GALNT2: variants seen among roughly 807,000 people sequenced by gnomAD.
GALNT2 encodes the protein UDP-GalNAc:polypeptide N-acetylgalactosaminyltransferase 2.
In GALNT2, 31 loss-of-function variants were observed where a neutral mutation model predicts 81.4. The observed-to-expected ratio is 0.38, with a 90% CI of 0.29 to 0.51. GALNT2 has a LOEUF of 0.51. Ranked by LOEUF, GALNT2 falls within the 20% of genes least tolerant of loss-of-function variation. The pLI is 0.87. For synonymous variants in GALNT2, 303 were observed against 287.4 expected (o/e 1.05, Z -0.55); for missense variants, 629 against 765.7 (o/e 0.82, Z 2.11).
At chr1:230,238,425 G>C (rs997692099) in intron 6 of GALNT2, among the ~76,000 whole-genome samples, 1 of 152,144 alleles carries the variant, frequency 6.6e-6, no homozygotes, top group African/African-American at 2.4e-5. Flanking sequence ...GTGGGCAGCT[G>C]CATTTTTAAA....
chr1:230,084,848 G>T (rs1659852051), intron 1 of GALNT2, among the ~76,000 whole-genome samples: 1 of 152,160 alleles, frequency 6.6e-6, no homozygotes, highest in Non-Finnish European at 1.5e-5. Context: ...ATCATTTCTG[G>T]GTGCAAGTCT....
intron 2 of GALNT2, among the ~76,000 whole-genome samples, chr1:230,195,916 A>G (rs1344253203): frequency 2.6e-5 from 4 of 152,090 alleles, no homozygotes; most frequent in African/African-American, 7.2e-5. Flanking sequence ...ATCCTCAGAT[A>G]GGGGCAGGGC....
chr1:230,117,034 C>T (rs755778668), intron 1 of GALNT2, among the ~76,000 whole-genome samples: 4 of 152,198 alleles, frequency 2.6e-5, no homozygotes, highest in Non-Finnish European at 5.9e-5. Flanking sequence ...GGGTAGCCAC[C>T]TTCATCAGGG....
At chr1:230,116,293 G>T (rs1233302609) in intron 1 of GALNT2, among the ~76,000 whole-genome samples, 1 of 151,882 alleles carries the variant, frequency 6.6e-6, no homozygotes, top group African/African-American at 2.4e-5. Flanking sequence ...GCAGTGGCAC[G>T]ATCTCGGCTC....
At chr1:230,074,301 C>T (rs1659467612) in intron 1 of GALNT2, among the ~76,000 whole-genome samples, 1 of 152,126 alleles carries the variant, frequency 6.6e-6, no homozygotes. Context: ...CTATGTTGCC[C>T]AGGCTGGGCT....
At chr1:230,169,036 T>G (rs1290552542) in intron 1 of GALNT2, among the ~76,000 whole-genome samples, 1 of 152,224 alleles carries the variant, frequency 6.6e-6, no homozygotes, top group African/African-American at 2.4e-5. Flanking sequence ...TTTAGAATAT[T>G]CCTCGTCTGG....
intron 1 of GALNT2, among the ~76,000 whole-genome samples, chr1:230,058,540 G>C (rs769595983): frequency 6.6e-6 from 1 of 152,174 alleles, no homozygotes; most frequent in Non-Finnish European, 1.5e-5. Context: ...GAGCTGCCTT[G>C]GGCAAGGCAC....
intron 3 of GALNT2, among the ~76,000 whole-genome samples, chr1:230,221,062 C>T (rs1021440542): frequency 2.0e-5 from 3 of 152,220 alleles, no homozygotes; most frequent in African/African-American, 7.2e-5. Flanking sequence ...CACATTGTCT[C>T]TGGTGAACAT....
rs1665029921 is a variant in GALNT2 at position 230,236,336 on chromosome 1, T to G, written c.474-17T>G. 1 of 1,612,256 alleles carries G rather than the reference T, an allele frequency of 6.2e-7. No homozygotes were observed. The highest frequency in any genetic ancestry group is 1.7e-5 in the Admixed American group (1 of 59,692). ...CCCTAAAAGACCTATAAACTTTATC[T>G]TCTTGTCTTTTCTTAGCGTGCTTAA... On this transcript the variant is annotated splice_polypyrimidine_tract_variant and intron_variant, in intron 4 of 15. Transcript: ENST00000366672.
intron 11 of GALNT2, among the ~76,000 whole-genome samples, chr1:230,255,980 G>A (rs1026651735): frequency 2.6e-5 from 4 of 152,276 alleles, no homozygotes; most frequent in Admixed American, 2.0e-4. Context: ...CAAGGTGCTG[G>A]TGTCTGGCGA....
Position 230,219,558 on chromosome 1 carries a change from A to G in GALNT2, c.374+16268A>G, listed in dbSNP as rs182445647. Among the ~76,000 whole-genome samples, 135 of 152,006 alleles carry G rather than the reference A, an allele frequency of 8.9e-4. 1 individual carries two copies. The highest frequency in any genetic ancestry group is 3.4e-3 in the Middle Eastern group (1 of 294). On this transcript the variant is annotated intron_variant, in intron 3 of 15. Transcript: ENST00000366672. ...CTCTCAGTACCTCTCCCAGGCTTGT[A>G]TTCTGCATGCCCCTCCCACACAAGA... is the stretch of plus-strand genomic sequence containing the variant.
chr1:230,114,130 C>T (rs1410586792), intron 1 of GALNT2, among the ~76,000 whole-genome samples: 3 of 152,090 alleles, frequency 2.0e-5, no homozygotes, highest in Non-Finnish European at 4.4e-5. Flanking sequence ...GGGTTTCTGC[C>T]CACTTAGCTG....
At chr1:230,140,525 A>G (rs1019311018) in intron 1 of GALNT2, among the ~76,000 whole-genome samples, 1 of 152,222 alleles carries the variant, frequency 6.6e-6, no homozygotes, top group African/African-American at 2.4e-5. Context: ...CCGTTGCTAT[A>G]GAAATCCAGC....
chr1:230,168,778 C>T (rs1186792812), intron 1 of GALNT2, among the ~76,000 whole-genome samples: 1 of 152,182 alleles, frequency 6.6e-6, no homozygotes, highest in Non-Finnish European at 1.5e-5. Flanking sequence ...CCAAGTTTCC[C>T]TGTTATTAAA....
chr1:230,253,271 G>A (rs976582246), intron 10 of GALNT2, among the ~76,000 whole-genome samples: 7 of 152,154 alleles, frequency 4.6e-5, no homozygotes, highest in East Asian at 3.9e-4. Flanking sequence ...TTAAAGCCCC[G>A]TAACAGCTGC....
At chr1:230,124,643 C>A (rs886219980) in intron 1 of GALNT2, among the ~76,000 whole-genome samples, 2 of 152,168 alleles carry the variant, frequency 1.3e-5, no homozygotes, top group African/African-American at 4.8e-5. Flanking sequence ...TCCTGCTGTT[C>A]CTGAACAATC....
chr1:230,088,981 C>A (rs141501161), intron 1 of GALNT2, among the ~76,000 whole-genome samples: 151 of 152,260 alleles, frequency 9.9e-4, no homozygotes, highest in African/African-American at 3.4e-3. Context: ...CTAGATATTT[C>A]GTATAAATTG....
upstream of GALNT2, among the ~76,000 whole-genome samples, chr1:230,064,703 G>A (rs1308286348): frequency 2.6e-5 from 4 of 152,130 alleles, no homozygotes; most frequent in East Asian, 7.7e-4. Context: ...TTAGTGATGG[G>A]GTTTCACCAC....
rs7550158 is a variant in GALNT2 at position 230,193,507 on chromosome 1, G to A, written c.221-9630G>A. Among the ~76,000 whole-genome samples, 56,124 of 151,696 alleles carry A rather than the reference G, an allele frequency of 0.37. 11,696 individuals carry two copies. The highest frequency in any genetic ancestry group is 0.65 in the East Asian group (3,360 of 5,162). On this transcript the variant is annotated intron_variant, in intron 2 of 15. Coordinates refer to ENST00000366672, the MANE Select transcript of GALNT2 (RefSeq NM_004481.5). The surrounding 1 kb of genome is among the most constrained non-coding windows in gnomAD (Gnocchi z 4.3). The stretch of plus-strand genomic sequence containing the variant: ...TGCGCCTCTCTGTGCTGGGGTGTGC[G>A]TGCGCCTCTGTGTGCTGGGGTCTTC...
Sources: gnomAD v4.1 joint callset for allele counts (sites outside exome capture counted in the v4.1 genomes callset) on GRCh38, gnomAD v4.1.1 for gene constraint, Gnocchi (gnomAD v3.1) non-coding constraint, MANE v1.5 for transcripts, NCBI Gene and HGNC (gene_info 2026-07-23, HGNC 2026-07-21) for gene names.